Variants in GPR89B observed in about 807,000 individuals in gnomAD.
GPR89B encodes golgi pH regulator B, also known as G protein-coupled receptor 89B.
GPR89B carries 25 observed loss-of-function variants against 52.4 expected under a neutral mutation model. That is an observed-to-expected ratio of 0.48 (90% CI 0.35 to 0.67). The LOEUF is 0.67. Among genes scored for constraint, GPR89B ranks in the 30% least tolerant of loss-of-function variants. The pLI is 0.01. For synonymous variants in GPR89B, 52 were observed against 151.2 expected (o/e 0.34, Z 4.81); for missense variants, 146 against 450.2 (o/e 0.32, Z 6.11).
Position 147,956,674 on chromosome 1 carries a change from A to G in GPR89B, c.617+2272A>G, listed in dbSNP as rs1379833195. 5.9e-5 allele frequency among the ~76,000 whole-genome samples: 9 copies of G among 152,218 alleles called. No homozygotes were observed. In the South Asian group the frequency reaches 1.2e-3, roughly 21 times the overall value. On this transcript the variant is annotated intron_variant, in intron 7 of 13. Coordinates refer to ENST00000314163, the MANE Select transcript of GPR89B (RefSeq NM_016334.5). ...TTGAAGACGACACAAATAAATGGAA[A>G]GATATCCCATGTTCATGGACTGGTG...
downstream of GPR89B, chr1:147,994,128 G>A (rs1384289756): frequency 3.0e-6 from 3 of 1,007,464 alleles, no homozygotes; most frequent in South Asian, 3.4e-5. Flanking sequence ...TGCAATAGCC[G>A]CCTGTAAGAC....
downstream of GPR89B, among the ~76,000 whole-genome samples, chr1:147,994,673 T>A (rs1392050733): frequency 2.0e-4 from 31 of 152,348 alleles, no homozygotes; most frequent in Middle Eastern, 3.4e-3. Flanking sequence ...TGTGTATATT[T>A]CTTTTGTATA....
At chr1:147,966,223 C>T (rs1657029301) in intron 7 of GPR89B, among the ~76,000 whole-genome samples, 1 of 151,970 alleles carries the variant, frequency 6.6e-6, no homozygotes, top group Admixed American at 6.6e-5. Flanking sequence ...TTGTAGTTGA[C>T]AACATGAATT....
the GPR89B span, among the ~76,000 whole-genome samples, chr1:148,008,609 CCT>C: frequency 2.6e-5 from 4 of 152,224 alleles, no homozygotes; most frequent in Non-Finnish European, 4.4e-5. Flanking sequence ...TAACACAGCT[CCT>C]CTGGTTCCAA....
At chr1:147,970,491 A>ATCTCTC (rs1174595676) in intron 10 of GPR89B, among the ~76,000 whole-genome samples, 8,345 of 104,838 alleles carry the variant, frequency 0.08, 167 homozygotes, top group Admixed American at 0.11. Flanking sequence ...GTGAGACTCC[A>ATCTCTC]TCTCTCTCTC....
chr1:147,951,588 C>G (rs1272035608), intron 5 of GPR89B, among the ~76,000 whole-genome samples: 1 of 151,530 alleles, frequency 6.6e-6, no homozygotes, highest in Non-Finnish European at 1.5e-5. Context: ...AAAGAACTAG[C>G]AAAGAAGGAA....
rs1332899478 is a variant in GPR89B at position 147,973,538 on chromosome 1, G to C, written c.909+3579G>C. Reference sequence around the variant, plus strand: ...TGTTTGATTTTTTTCTTGTAAATTTGTTTAAGTTCCTTGTAGATTCTGGAT... The same window carrying C: ...TGTTTGATTTTTTTCTTGTAAATTTCTTTAAGTTCCTTGTAGATTCTGGAT... On this transcript the variant is annotated intron_variant, in intron 10 of 13. Coordinates refer to ENST00000314163, the MANE Select transcript of GPR89B (RefSeq NM_016334.5). Among the ~76,000 whole-genome samples the C allele has an allele frequency of 2.4e-3, 357 of 151,844 alleles. 12 individuals carry two copies. The East Asian group carries it at 0.06, about 26-fold the overall frequency.
the GPR89B span, among the ~76,000 whole-genome samples, chr1:148,009,049 C>T: frequency 1.3e-5 from 2 of 152,178 alleles, no homozygotes; most frequent in Non-Finnish European, 2.9e-5. Flanking sequence ...ACCCTCTGGC[C>T]CCCTGACCTC....
At chr1:147,937,799 C>T (rs1247535344) in intron 2 of GPR89B, among the ~76,000 whole-genome samples, 1 of 152,134 alleles carries the variant, frequency 6.6e-6, no homozygotes, top group Non-Finnish European at 1.5e-5. Context: ...ACATGTTTTG[C>T]AAACAATTTG....
intron 10 of GPR89B, among the ~76,000 whole-genome samples, chr1:147,979,113 T>C (rs1658054386): frequency 6.6e-6 from 1 of 151,898 alleles, no homozygotes; most frequent in East Asian, 1.9e-4. Context: ...CCTTGCCCTG[T>C]GCGGCTCCCA....
At chr1:148,002,082 G>A in the GPR89B span, among the ~76,000 whole-genome samples, 2 of 142,458 alleles carry the variant, frequency 1.4e-5, no homozygotes, top group African/African-American at 5.3e-5. Context: ...CACTTTTCCA[G>A]CTAGCTGCTG....
At chr1:148,001,488 CCAGAAT>C in the GPR89B span, 1 of 681,544 alleles carries the variant, frequency 1.5e-6, no homozygotes. Context: ...TGCTGGACTT[CCAGAAT>C]CTATGTCCTT....
chr1:147,986,117 A>G (rs1658649809), intron 10 of GPR89B, 82 bp from the exon 11 acceptor site: 2 of 1,610,212 alleles, frequency 1.2e-6, no homozygotes, highest in African/African-American at 1.3e-5. Flanking sequence ...TGTTATAGTG[A>G]TTAATTCATT....
the GPR89B span, among the ~76,000 whole-genome samples, chr1:148,006,574 A>G: frequency 2.0e-5 from 3 of 150,940 alleles, no homozygotes; most frequent in Non-Finnish European, 3.0e-5. Flanking sequence ...CTGTGCTTAC[A>G]TACCTACGAT....
rs1191765188 is a variant in GPR89B at position 147,979,116 on chromosome 1, G to A, written c.910-7083G>A. Among the ~76,000 whole-genome samples, 37 of 151,828 alleles carry A rather than the reference G, an allele frequency of 2.4e-4. 1 individual carries two copies. The highest frequency in any genetic ancestry group is 8.2e-4 in the African/African-American group (34 of 41,290). On this transcript the variant is annotated intron_variant, in intron 10 of 13. Transcript: ENST00000314163. ...GGTGGGAACTCCCCTTGCCCTGTGC[G>A]GCTCCCAGGTGGGGCTGTTGCACTA...
chr1:148,008,605 A>C, the GPR89B span, among the ~76,000 whole-genome samples: 4 of 152,246 alleles, frequency 2.6e-5, no homozygotes, highest in Non-Finnish European at 4.4e-5. Context: ...CAGCTAACAC[A>C]GCTCCTCTGG....
the GPR89B span, among the ~76,000 whole-genome samples, chr1:148,015,521 G>A: frequency 6.9e-6 from 1 of 145,564 alleles, no homozygotes; most frequent in Non-Finnish European, 1.5e-5. Flanking sequence ...TCATCATGTT[G>A]GCCAGGATGG....
In GPR89B at chr1:147,948,154, G is replaced by A. The variant is rs587653826; in HGVS notation, c.415+4056G>A. Among the ~76,000 whole-genome samples the A allele has an allele frequency of 5.5e-3, 830 of 151,368 alleles. 9 individuals are homozygous for A. The highest frequency in any genetic ancestry group is 0.019 in the African/African-American group (785 of 41,316). On this transcript the variant is annotated intron_variant, in intron 5 of 13. Coordinates refer to ENST00000314163, the MANE Select transcript of GPR89B (RefSeq NM_016334.5). ...GATAGAGAAAAATGCCGATAATGTA[G>A]TGCAAACAGTTAGATCCACCCTTTC...
At chr1:147,949,339 G>A (rs1655311112) in intron 5 of GPR89B, among the ~76,000 whole-genome samples, 2 of 148,100 alleles carry the variant, frequency 1.4e-5, no homozygotes, top group East Asian at 2.0e-4. Context: ...AGGGGCGGCC[G>A]GGCAGAGGTG....
Sources: allele counts gnomAD v4.1 joint callset (sites outside exome capture counted in the v4.1 genomes callset), GRCh38; gene constraint gnomAD v4.1.1; transcripts MANE v1.5; gene names NCBI Gene and HGNC (gene_info 2026-07-23, HGNC 2026-07-21).